The following BARD1 variants were observed in gnomAD, a reference collection of about 807,000 sequenced individuals.
BARD1 encodes BRCA1-associated RING domain protein 1.
In BARD1, 73 loss-of-function variants were observed where a neutral mutation model predicts 77.0. The ratio of observed to expected loss-of-function variants is 0.95; its 90% CI spans 0.79 to 1.15. The LOEUF is 1.15. Ranked by LOEUF, BARD1 falls within the 50% of genes most tolerant of loss-of-function variation. BARD1 has a pLI of 0.00. For synonymous variants in BARD1, 384 were observed against 338.0 expected, an observed-to-expected ratio of 1.14 and a Z score of -1.49; for missense variants, 993 against 938.8, an observed-to-expected ratio of 1.06 and a Z score of -0.75.
intron 6 of BARD1, among the ~76,000 whole-genome samples, chr2:214,764,440 A>G (rs1694102484): frequency 6.6e-6 from 1 of 152,212 alleles, no homozygotes; most frequent in Non-Finnish European, 1.5e-5. Context: ...GCTACCAAAA[A>G]CAAATATTCT....
intron 1 of BARD1, among the ~76,000 whole-genome samples, chr2:214,799,308 T>C (rs1695905406): frequency 6.6e-6 from 1 of 151,844 alleles, no homozygotes; most frequent in South Asian, 2.1e-4. Context: ...CTCAAAAATA[T>C]TAAAATAAAA....
At chr2:214,735,986 TCCC>T (rs1387249513) in intron 9 of BARD1, among the ~76,000 whole-genome samples, 1 of 152,042 alleles carries the variant, frequency 6.6e-6, no homozygotes, top group African/African-American at 2.4e-5. Flanking sequence ...CAGATCTCTC[TCCC>T]CCATTTTTTT....
chr2:214,774,966 T>A (rs1379317405), intron 4 of BARD1, among the ~76,000 whole-genome samples: 2 of 152,182 alleles, frequency 1.3e-5, no homozygotes, highest in African/African-American at 4.8e-5. Context: ...CTCTCAGTCT[T>A]CACAGAATTG....
intron 1 of BARD1, among the ~76,000 whole-genome samples, chr2:214,804,298 T>C (rs1288218670): frequency 6.6e-6 from 1 of 152,246 alleles, no homozygotes; most frequent in Non-Finnish European, 1.5e-5. Context: ...TATTACCACT[T>C]GCAAAGGCCC....
chr2:214,762,156 C>T (rs1301115642), intron 6 of BARD1, among the ~76,000 whole-genome samples: 3 of 152,118 alleles, frequency 2.0e-5, no homozygotes, highest in Non-Finnish European at 2.9e-5. Context: ...ATTCCAAACA[C>T]AGTACTTAAA....
intron 4 of BARD1, among the ~76,000 whole-genome samples, chr2:214,774,421 T>C (rs193085471): frequency 4.6e-5 from 7 of 152,186 alleles, no homozygotes; most frequent in African/African-American, 1.2e-4. Flanking sequence ...AGAATTGATG[T>C]TTTGTTGGGA....
At chr2:214,763,028 A>G (rs1243547080) in intron 6 of BARD1, among the ~76,000 whole-genome samples, 1 of 152,006 alleles carries the variant, frequency 6.6e-6, no homozygotes, top group Non-Finnish European at 1.5e-5. Context: ...TGTTTAGCAC[A>G]CACAGCCTTT....
At chr2:214,799,545 C>T (rs1473297867) in intron 1 of BARD1, among the ~76,000 whole-genome samples, 2 of 152,134 alleles carry the variant, frequency 1.3e-5, no homozygotes, top group Non-Finnish European at 2.9e-5. Context: ...TTCCTAGAGT[C>T]TAAGAGGAAA....
chr2:214,770,645 T>C (rs1369718406), intron 4 of BARD1, among the ~76,000 whole-genome samples: 2 of 152,186 alleles, frequency 1.3e-5, no homozygotes, highest in South Asian at 2.1e-4. Flanking sequence ...TTTTGAACTT[T>C]CTGTGTCTTG....
At chr2:214,768,599 T>C (rs1244306193) in intron 5 of BARD1, among the ~76,000 whole-genome samples, 1 of 152,148 alleles carries the variant, frequency 6.6e-6, no homozygotes, top group African/African-American at 2.4e-5. Flanking sequence ...GATGAAGGCA[T>C]CCACTTCATT....
At position 214,734,835 on chromosome 2, in the gene BARD1, A is replaced by G. The variant is rs141715810; in HGVS notation, c.1904-4327T>C. Among the ~76,000 whole-genome samples the G allele has an allele frequency of 7.5e-3, 1,137 of 152,310 alleles. 9 individuals are homozygous for G. The highest frequency in any genetic ancestry group is 0.071 in the Middle Eastern group (21 of 294). On this transcript the variant is annotated intron_variant, in intron 9 of 10. Coordinates refer to ENST00000260947, the MANE Select transcript of BARD1 (RefSeq NM_000465.4). The stretch of plus-strand genomic sequence containing the variant: ...AAAGATCCTGATCAAAATTACTGTG[A>G]TAACAGCTACCAAAAGTACTTGTAT...
chr2:214,729,698 C>A (rs972769265), intron 10 of BARD1, among the ~76,000 whole-genome samples: 36 of 152,234 alleles, frequency 2.4e-4, no homozygotes, highest in African/African-American at 8.4e-4. Flanking sequence ...GGACTTAAAG[C>A]CTCCACAACT....
At position 214,728,753 on chromosome 2, in the gene BARD1, C is replaced by A. The variant is rs786203405; in HGVS notation, c.2257G>T (p.Gly753Cys). ...CNYHPERVRQGKVWKAPSSWF... is the reference protein window; with the variant it reads ...CNYHPERVRQCKVWKAPSSWF... ...CTCGAAGGAGCCTTCCAGACTTTGC[C>A]CTGCCGAACCCTCTCTGGGTGATAA... Residue 753 changes from glycine (G) to cysteine (C), a missense_variant, in exon 11 of 11, where the codon GGC (glycine) becomes TGC (cysteine). By Grantham distance (159) the Gly-to-Cys change is radical. Coordinates refer to ENST00000260947, the MANE Select transcript of BARD1 (RefSeq NM_000465.4). 1 of 1,614,158 alleles carries A rather than the reference C, an allele frequency of 6.2e-7. No individual in the cohort carries two copies. The highest frequency in any genetic ancestry group is 2.2e-5 in the East Asian group (1 of 44,880).
In BARD1 at chr2:214,797,253, T is replaced by C. The variant is rs928611333; in HGVS notation, c.159-136A>G. ...CAGAAGGTATTAAGGATGCATTCAT[T>C]TGAAAGGCTGTTACTCCCTGGTTAA... On this transcript the variant is annotated intron_variant, in intron 1 of 10. Transcript: ENST00000260947. The C allele has an allele frequency of 3.5e-5, 27 of 771,420 alleles. No individual in the cohort carries two copies. The African/African-American group carries it at 4.4e-4, about 13-fold the overall frequency. The allele number at this position is 771,420 out of a possible 1,614,324, so 47.8% of individuals were successfully genotyped here.
intron 7 of BARD1, among the ~76,000 whole-genome samples, chr2:214,746,394 G>A (rs1023279667): frequency 6.6e-6 from 1 of 152,120 alleles, no homozygotes; most frequent in Non-Finnish European, 1.5e-5. Flanking sequence ...TCAAAACTTA[G>A]GAGATCAGAT....
At chr2:214,799,231 G>A (rs1321176604) in intron 1 of BARD1, among the ~76,000 whole-genome samples, 1 of 152,152 alleles carries the variant, frequency 6.6e-6, no homozygotes, top group Non-Finnish European at 1.5e-5. Flanking sequence ...AACCCAGGAG[G>A]CACAGGTTGA....
Position 214,792,406 on chromosome 2 carries a change from C to T in BARD1, c.255G>A (p.Val85=), listed in dbSNP as rs769046326. 1 of 1,608,802 alleles carries T rather than the reference C, an allele frequency of 6.2e-7. No individual in the cohort carries two copies. The stretch of plus-strand genomic sequence containing the variant: ...CTTGTATCCAGGCCGGGGTGTAACA[C>T]ACTGGACATCCAGTTCCAATGCAGT... ...VSDCIGTGCP[V]CYTPAWIQDL... Residue 85 remains valine, a synonymous_variant, in exon 3 of 11, where the codon GTG becomes GTA. Transcript: ENST00000260947.
In BARD1 at chr2:214,809,618, G is replaced by C; in HGVS notation, c.-49C>G. 1 of 1,521,838 alleles carries C rather than the reference G, an allele frequency of 6.6e-7. No homozygotes were observed. The highest frequency in any genetic ancestry group is 1.2e-5 in the South Asian group (1 of 83,782). 94.3% of individuals were successfully genotyped at this position (1,521,838 alleles called of 1,614,324 possible). On this transcript the variant is annotated 5_prime_UTR_variant, in exon 1 of 11. Transcript: ENST00000260947. ...TCCTCGCAGAGCGGGAAGCAAGGAA[G>C]CCTCGGGAAACCACAGGGAAGCTGC...
At chr2:214,780,361 C>A (rs766860570) in intron 4 of BARD1, among the ~76,000 whole-genome samples, 199 bp downstream of exon 4, 2 of 152,164 alleles carry the variant, frequency 1.3e-5, no homozygotes, top group East Asian at 3.9e-4. Context: ...CAAGATCATG[C>A]GCCCAGACTC....
Sources: gnomAD v4.1 joint callset for allele counts (sites outside exome capture counted in the v4.1 genomes callset) on GRCh38, gnomAD v4.1.1 for gene constraint, MANE v1.5 for transcripts, NCBI Gene and HGNC (gene_info 2026-07-23, HGNC 2026-07-21) for gene names.